SYNC: variants seen among roughly 807,000 people sequenced by gnomAD.
SYNC encodes syncoilin, intermediate filament protein.
SYNC carries 38 observed loss-of-function variants against 49.5 expected under a neutral mutation model. The ratio of observed to expected loss-of-function variants is 0.77; its 90% CI spans 0.59 to 1.01. The LOEUF (loss-of-function observed/expected upper bound fraction) is 1.01. Ranked by LOEUF, SYNC falls within the 50% of genes least tolerant of loss-of-function variation. SYNC has a pLI of 0.00. For missense variants in SYNC, 579 were observed against 580.6 expected, an observed-to-expected ratio of 1.00 and a Z score of 0.03; for synonymous variants, 201 against 230.8, an observed-to-expected ratio of 0.87 and a Z score of 1.17.
At position 32,702,752 on chromosome 1, in the gene SYNC, G is replaced by A. The variant is rs1295460956; in HGVS notation, c.-92C>T. On this transcript the variant is annotated 5_prime_UTR_variant, in exon 1 of 5. Coordinates refer to ENST00000409190, the MANE Select transcript of SYNC (RefSeq NM_030786.3). The surrounding 1 kb of genome is among the most constrained non-coding windows in gnomAD (Gnocchi z 6.2). Reference sequence around the variant, plus strand: ...GCCCGCGCCCGCCGCACTGCCAGCTGCAACCGACACCGGATCCCGGCCGGC... The same window carrying A: ...GCCCGCGCCCGCCGCACTGCCAGCTACAACCGACACCGGATCCCGGCCGGC... 5 of 1,021,106 alleles carry A rather than the reference G, an allele frequency of 4.9e-6. No individual in the cohort carries two copies. In the East Asian group the frequency reaches 3.4e-4, roughly 70 times the overall value. The allele number at this position is 1,021,106 out of a possible 1,614,324, so 63.3% of individuals were successfully genotyped here.
In SYNC at chr1:32,683,661, TC is replaced by T. The variant is rs541879021; in HGVS notation, c.1438+348del. The stretch of plus-strand genomic sequence containing the variant: ...GGGTTTTTGTTTTGTTTTGAGGCAG[TC>T]TCACTCTGTTGTACAAGCTGGAGTG... On this transcript the variant is annotated intron_variant, in intron 4 of 4. Coordinates refer to ENST00000409190, the MANE Select transcript of SYNC (RefSeq NM_030786.3). 457 of 173,830 alleles carry T rather than the reference TC, an allele frequency of 2.6e-3. 3 individuals carry two copies. The highest frequency in any genetic ancestry group is 9.9e-3 in the African/African-American group (416 of 42,204). The allele number at this position is 173,830 out of a possible 1,614,324, so 10.8% of individuals were successfully genotyped here. A position where few individuals can be genotyped will look rare whatever the true frequency, so the allele number is the denominator to read the frequency against.
At position 32,695,175 on chromosome 1, in the gene SYNC, G is replaced by C. The variant is rs778656510; in HGVS notation, c.923C>G (p.Ala308Gly). 1.5e-5 allele frequency: 23 copies of C among 1,577,220 alleles called. No homozygotes were observed. Among genetic ancestry groups the C allele is most frequent in the African/African-American group, 2.7e-5 (2 of 73,940 alleles). Reference sequence around the variant, plus strand: ...GTGCCCATCCCTCTGGCTTGGAGGGGCTTCTAGTTGTTGCCGCAGCTGCTC... The same window carrying C: ...GTGCCCATCCCTCTGGCTTGGAGGGCCTTCTAGTTGTTGCCGCAGCTGCTC... Reference protein sequence around the residue: ...QKEQLRQQLEAPPSQRDGHFL... With the variant: ...QKEQLRQQLEGPPSQRDGHFL... Residue 308 changes from alanine (A) to glycine (G), a missense_variant, in exon 2 of 5, where the codon GCC (alanine) becomes GGC (glycine). Transcript: ENST00000409190.
At chr1:32,684,233 G>C (rs1339292828) in intron 3 of SYNC, 25 bp downstream of exon 3, 2 of 1,614,038 alleles carry the variant, frequency 1.2e-6, no homozygotes, top group South Asian at 2.2e-5. Flanking sequence ...TATTAGATGA[G>C]ATTTGTATAG....
intron 1 of SYNC, among the ~76,000 whole-genome samples, chr1:32,697,691 T>A (rs911397245): frequency 1.4e-5 from 2 of 145,658 alleles, no homozygotes; most frequent in Non-Finnish European, 3.0e-5. Context: ...GAGCCATGAC[T>A]GCACCACTCT....
At chr1:32,693,062 C>G (rs1406858005) in intron 2 of SYNC, among the ~76,000 whole-genome samples, 2 of 147,864 alleles carry the variant, frequency 1.4e-5, no homozygotes, top group East Asian at 4.0e-4. Context: ...CCAAAAACCA[C>G]AGTGTTTTTT....
Position 32,680,507 on chromosome 1 carries a change from A to C in SYNC, c.*1343T>G. The C allele has an allele frequency of 6.5e-7, 1 of 1,539,208 alleles. No individual in the cohort carries two copies. Among genetic ancestry groups the C allele is most frequent in the Non-Finnish European group, 8.7e-7 (1 of 1,142,882 alleles). On this transcript the variant is annotated 3_prime_UTR_variant, in exon 5 of 5. Transcript: ENST00000409190. ...AAAAATTAAATTAATCCTTGATAAG[A>C]GTTGCTTTTTTTTTTTAGGAGTTAG... is the stretch of plus-strand genomic sequence containing the variant.
At chr1:32,681,944 GTGTGATTTATGGATGA>G in intron 4 of SYNC, 84 bp from the exon 5 acceptor site, 1 of 1,277,270 alleles carries the variant, frequency 7.8e-7, no homozygotes, top group Non-Finnish European at 1.1e-6. Flanking sequence ...GATTGTTACA[GTGTGATTTATGGATGA>G]TCAGGGATGA....
Position 32,686,738 on chromosome 1 carries a change from A to T in SYNC, c.1234-2356T>A, listed in dbSNP as rs143621864. Among the ~76,000 whole-genome samples the T allele has an allele frequency of 2.3e-3, 344 of 152,298 alleles. 2 individuals carry two copies. The highest frequency in any genetic ancestry group is 7.9e-3 in the African/African-American group (328 of 41,572). The stretch of plus-strand genomic sequence containing the variant: ...GTTCATTCCTTGCAACCCTATGGAT[A>T]TGGGAGTATTATTAATCTCATGTTT... On this transcript the variant is annotated intron_variant, in intron 2 of 4. Transcript: ENST00000409190.
Position 32,695,898 on chromosome 1 carries a change from A to G in SYNC, c.200T>C (p.Leu67Pro), listed in dbSNP as rs1012607963. The change falls in exon 2 of 5, where the codon CTT becomes CCT. Residue 67 changes from leucine (L) to proline (P), a missense_variant. Transcript: ENST00000409190. The part of the protein sequence containing the change: ...DILYLEDTGD[L>P]DETLYVQETE... ...CTCTTGCACATAGAGTGTCTCATCA[A>G]GGTCACCTGTGTCCTCCAGGTAGAG... 8.4e-6 allele frequency: 13 copies of G among 1,551,918 alleles called. No homozygotes were observed. In the African/African-American group the frequency reaches 1.1e-4, roughly 13 times the overall value.
chr1:32,702,830 C>A, upstream of SYNC: 1 of 393,592 alleles, frequency 2.5e-6, no homozygotes, highest in Non-Finnish European at 3.5e-6. This position sits in a 1 kb window ranked among gnomAD's most constrained non-coding sequence, Gnocchi z 6.2. Context: ...GAGGAGGGAG[C>A]GGCCGCGCGG....
chr1:32,694,968 G>A lies in SYNC; in HGVS notation c.1130C>T (p.Pro377Leu). The change falls in exon 2 of 5, where the codon CCC becomes CTC. Residue 377 changes from proline (P) to leucine (L), a missense_variant. By Grantham distance (98) the Pro-to-Leu change is moderately conservative (BLOSUM62 -3). Transcript: ENST00000409190. ...EIQEMKEALR[P>L]LQAEARQLRL... is the part of the protein sequence containing the mutation. Reference sequence around the variant, plus strand: ...GAGCTGCCGGGCCTCTGCTTGCAGGGGTCTCAGAGCCTCCTTCATTTCCTG... The same window carrying A: ...GAGCTGCCGGGCCTCTGCTTGCAGGAGTCTCAGAGCCTCCTTCATTTCCTG... The A allele has an allele frequency of 6.2e-7, 1 of 1,613,952 alleles. No homozygotes were observed. The highest frequency in any genetic ancestry group is 1.3e-5 in the African/African-American group (1 of 74,972).
Position 32,695,673 on chromosome 1 carries a change from G to C in SYNC, c.425C>G (p.Thr142Arg). 2.6e-6 allele frequency: 4 copies of C among 1,551,566 alleles called. No homozygotes were observed. Among genetic ancestry groups the C allele is most frequent in the Non-Finnish European group, 2.6e-6 (3 of 1,147,008 alleles). Residue 142 changes from threonine to arginine, a missense_variant, in exon 2 of 5, where the codon ACA becomes AGA. Physicochemically the swap from Thr to Arg is moderately conservative, Grantham distance 71 (BLOSUM62 -1). Transcript: ENST00000409190. ...GTTAGATTTCTCCGCCCTTGTGACT[G>C]TCTCTCCCTCATAAACAACGTGCTC... ...SPEHVVYEGETVTRAEKSNPE... is the reference protein window; with the variant it reads ...SPEHVVYEGERVTRAEKSNPE...
intron 2 of SYNC, among the ~76,000 whole-genome samples, chr1:32,694,540 G>C (rs1650310552): frequency 6.6e-6 from 1 of 151,964 alleles, no homozygotes; most frequent in Admixed American, 6.6e-5. Flanking sequence ...TGTAGTCCCA[G>C]CTACTCAGAA....
At chr1:32,686,352 A>ACAGC (rs1449232451) in intron 2 of SYNC, 18 of 152,226 alleles carry the variant, frequency 1.2e-4, no homozygotes, top group African/African-American at 4.3e-4. Flanking sequence ...TTTCACCTAG[A>ACAGC]CAGCCAGTCC....
upstream of SYNC, chr1:32,703,265 T>G (rs1284605592): frequency 6.6e-6 from 1 of 151,656 alleles, no homozygotes; most frequent in Non-Finnish European, 1.5e-5. Flanking sequence ...ACCCCGCGCG[T>G]TTGGGGACAG....
At position 32,681,260 on chromosome 1, in the gene SYNC, A is replaced by C. The variant is rs1161120474; in HGVS notation, c.*590T>G. On this transcript the variant is annotated 3_prime_UTR_variant, in exon 5 of 5. Transcript: ENST00000409190. ...TCAAATCTCAAATGGTTTCTTTTCAAGTCTAGTTGTTTTAGAGTATAGTGA... is the reference window on the plus strand; with the variant it reads ...TCAAATCTCAAATGGTTTCTTTTCACGTCTAGTTGTTTTAGAGTATAGTGA... 1 of 152,538 alleles carries C rather than the reference A, an allele frequency of 6.6e-6. No homozygotes were observed. The highest frequency in any genetic ancestry group is 1.5e-5 in the Non-Finnish European group (1 of 68,304). The allele number at this position is 152,538 out of a possible 1,614,324, so 9.4% of individuals were successfully genotyped here.
At position 32,684,104 on chromosome 1, in the gene SYNC, A is replaced by G. The variant is rs775952165; in HGVS notation, c.1359-15T>C. 5.0e-6 allele frequency: 8 copies of G among 1,600,542 alleles called. No individual in the cohort carries two copies. Among genetic ancestry groups the G allele is most frequent in the Non-Finnish European group, 6.8e-6 (8 of 1,173,302 alleles). On this transcript the variant is annotated splice_polypyrimidine_tract_variant and intron_variant, in intron 3 of 4. Coordinates refer to ENST00000409190, the MANE Select transcript of SYNC (RefSeq NM_030786.3). ...GTAGCATAGCCCTTTAAAAAGAGAGAGCCATTTTCCATGTGTTTTTGGATA... is the reference window on the plus strand; with the variant it reads ...GTAGCATAGCCCTTTAAAAAGAGAGGGCCATTTTCCATGTGTTTTTGGATA...
intron 2 of SYNC, among the ~76,000 whole-genome samples, chr1:32,687,855 A>ATTATTATTATTATTATTTTATT (rs71006359): frequency 6.6e-5 from 9 of 135,516 alleles, no homozygotes; most frequent in Non-Finnish European, 1.1e-4. Context: ...TATTATTATT[A>ATTATTATTATTATTATTTTATT]TTATTATTTT....
At chr1:32,697,139 CACTT>C (rs1313486855) in intron 1 of SYNC, among the ~76,000 whole-genome samples, 1 of 151,924 alleles carries the variant, frequency 6.6e-6, no homozygotes, top group Non-Finnish European at 1.5e-5. Context: ...GTTATCTAAA[CACTT>C]AAAGAGAACC....
Sources: gnomAD v4.1 joint callset for allele counts (sites outside exome capture counted in the v4.1 genomes callset) on GRCh38, gnomAD v4.1.1 for gene constraint, Gnocchi (gnomAD v3.1) non-coding constraint, MANE v1.5 for transcripts, NCBI Gene and HGNC (gene_info 2026-07-23, HGNC 2026-07-21) for gene names.